PRELID2: variants seen among roughly 807,000 people sequenced by gnomAD.
PRELID2 encodes the protein PRELI domain containing 2.
In PRELID2, 25 loss-of-function variants were observed where a neutral mutation model predicts 28.4. The observed-to-expected ratio is 0.88, with a 90% CI of 0.64 to 1.23. PRELID2 has a LOEUF of 1.23. PRELID2 is among the 50% of genes most tolerant of loss of function. PRELID2 has a pLI of 0.00. For synonymous variants in PRELID2, 76 were observed against 71.6 expected, an observed-to-expected ratio of 1.06 and a Z score of -0.31; for missense variants, 201 against 214.4, an observed-to-expected ratio of 0.94 and a Z score of 0.39.
At chr5:145,455,758 TG>T in the PRELID2 span, among the ~76,000 whole-genome samples, 1 of 152,156 alleles carries the variant, frequency 6.6e-6, no homozygotes, top group Non-Finnish European at 1.5e-5. Context: ...CTGTTATTGT[TG>T]TATAGGAATG....
intron 5 of PRELID2, among the ~76,000 whole-genome samples, chr5:145,784,820 T>C (rs943205058): frequency 2.0e-5 from 3 of 151,094 alleles, no homozygotes; most frequent in Non-Finnish European, 2.9e-5. Flanking sequence ...TACATATACA[T>C]ACATTTGCAA....
intron 1 of PRELID2, among the ~76,000 whole-genome samples, chr5:145,528,431 T>C (rs575954387): frequency 6.6e-6 from 1 of 152,194 alleles, no homozygotes; most frequent in African/African-American, 2.4e-5. Flanking sequence ...GGCCCAACTT[T>C]ATAAAGGAGC....
At chr5:145,505,867 C>T (rs1043105343) in intron 1 of PRELID2, among the ~76,000 whole-genome samples, 4 of 152,156 alleles carry the variant, frequency 2.6e-5, no homozygotes, top group Admixed American at 2.6e-4. Context: ...AACTTGAGAA[C>T]ACTATGTATG....
At chr5:145,471,510 C>T (rs962784461), downstream of PRELID2, among the ~76,000 whole-genome samples, 2 of 152,090 alleles carry the variant, frequency 1.3e-5, no homozygotes, top group Non-Finnish European at 2.9e-5. Flanking sequence ...ATAAAATACT[C>T]AGTTGTCATA....
chr5:145,707,957 T>G (rs941104076), intron 1 of PRELID2, among the ~76,000 whole-genome samples: 1 of 152,166 alleles, frequency 6.6e-6, no homozygotes, highest in Non-Finnish European at 1.5e-5. Context: ...AGCTGTATTC[T>G]TTTCACCTCA....
intron 1 of PRELID2, among the ~76,000 whole-genome samples, chr5:145,685,711 A>G (rs980781531): frequency 2.6e-5 from 4 of 152,204 alleles, no homozygotes; most frequent in African/African-American, 9.6e-5. Flanking sequence ...AGTAAATATT[A>G]AGTCAGTACC....
rs147524048 is a variant in PRELID2 at position 145,541,876 on chromosome 5, A to T, written n.71-68561T>A. Among the ~76,000 whole-genome samples the T allele has an allele frequency of 6.7e-3, 1,021 of 152,158 alleles. 12 individuals are homozygous for T. The highest frequency in any genetic ancestry group is 0.024 in the African/African-American group (985 of 41,526). On this transcript the variant is annotated intron_variant and non_coding_transcript_variant, in intron 1 of 2. Coordinates refer to the PRELID2 transcript ENST00000510259. ...AACAAAGCCCCTGAAATGTTACTGC[A>T]ATATTTATAAGTAAACAAAAATTTT...
chr5:145,716,409 C>G (rs1044261012), intron 1 of PRELID2, among the ~76,000 whole-genome samples: 3 of 152,156 alleles, frequency 2.0e-5, no homozygotes, highest in South Asian at 2.1e-4. Flanking sequence ...CTTGACACTT[C>G]TATATCAGAG....
chr5:145,327,592 C>G, the PRELID2 span, among the ~76,000 whole-genome samples: 1 of 151,984 alleles, frequency 6.6e-6, no homozygotes. Flanking sequence ...AGAATGTAAA[C>G]TATTTTCAAT....
At chr5:145,810,676 A>G (rs989426353) in intron 4 of PRELID2, among the ~76,000 whole-genome samples, 2 of 152,214 alleles carry the variant, frequency 1.3e-5, no homozygotes, top group African/African-American at 2.4e-5. Context: ...TATTATGAAA[A>G]TAACAACTGT....
At chr5:145,793,008 G>A (rs901421063) in intron 5 of PRELID2, among the ~76,000 whole-genome samples, 2 of 152,176 alleles carry the variant, frequency 1.3e-5, no homozygotes, top group African/African-American at 4.8e-5. Context: ...GAACCACTCC[G>A]TTTCAAGGAT....
chr5:145,470,116 G>T (rs1209510205), downstream of PRELID2, among the ~76,000 whole-genome samples: 1 of 152,130 alleles, frequency 6.6e-6, no homozygotes, highest in Non-Finnish European at 1.5e-5. Context: ...TGGGACAGTT[G>T]TCTGTTTTCT....
chr5:145,828,365 T>A (rs1263156843), intron 1 of PRELID2, among the ~76,000 whole-genome samples: 1 of 152,256 alleles, frequency 6.6e-6, no homozygotes, highest in East Asian at 1.9e-4. Context: ...TTTTGGTTTT[T>A]ATCTTGCAAT....
chr5:145,338,236 T>C, the PRELID2 span: 12 of 152,350 alleles, frequency 7.9e-5, no homozygotes, highest in South Asian at 2.5e-3. Flanking sequence ...ATGACCTTAG[T>C]ATCCTTGTTT....
chr5:145,363,938 GA>G, the PRELID2 span, among the ~76,000 whole-genome samples: 16 of 151,926 alleles, frequency 1.1e-4, no homozygotes, highest in African/African-American at 3.9e-4. Context: ...ATATTATTTG[GA>G]GAAAAAAATC....
At chr5:145,456,979 A>C in the PRELID2 span, among the ~76,000 whole-genome samples, 1 of 152,172 alleles carries the variant, frequency 6.6e-6, no homozygotes, top group Admixed American at 6.5e-5. Context: ...ATGCAAGATT[A>C]ATGTCTAATA....
At chr5:145,408,415 A>G in the PRELID2 span, among the ~76,000 whole-genome samples, 11 of 144,054 alleles carry the variant, frequency 7.6e-5, no homozygotes, top group African/African-American at 1.5e-4. Context: ...ATATATATAT[A>G]TATGTATAAT....
chr5:145,242,644 A>G, the PRELID2 span, among the ~76,000 whole-genome samples: 151 of 152,228 alleles, frequency 9.9e-4, 3 homozygotes, highest in East Asian at 0.025. Context: ...AGATGTGTCT[A>G]TGAGAGAAAA....
chr5:145,688,626 T>G (rs1247067028), intron 1 of PRELID2, among the ~76,000 whole-genome samples: 1 of 152,140 alleles, frequency 6.6e-6, no homozygotes, highest in Non-Finnish European at 1.5e-5. Flanking sequence ...GTTACCCAGT[T>G]AAAAGGGTAG....
Sources: allele counts gnomAD v4.1 joint callset (sites outside exome capture counted in the v4.1 genomes callset), GRCh38; gene constraint gnomAD v4.1.1; transcripts MANE v1.5; gene names NCBI Gene and HGNC (gene_info 2026-07-23, HGNC 2026-07-21).